TAOK1: variants seen among roughly 807,000 people sequenced by gnomAD.
TAOK1 encodes TAO kinase 1.
TAOK1 carries 21 observed loss-of-function variants against 138.3 expected under a neutral mutation model. The observed-to-expected ratio is 0.15, with a 90% CI of 0.11 to 0.22. The LOEUF (loss-of-function observed/expected upper bound fraction) is 0.22. TAOK1 is among the 10% of genes least tolerant of loss of function. The probability of loss-of-function intolerance (pLI) is 1.00; values close to 1 mark genes in which losing one functional copy is unlikely to be tolerated. For missense variants in TAOK1, 651 were observed against 1,227.7 expected, an observed-to-expected ratio of 0.53 and a Z score of 7.02; for synonymous variants, 361 against 398.4, an observed-to-expected ratio of 0.91 and a Z score of 1.12.
intron 1 of TAOK1, among the ~76,000 whole-genome samples, chr17:29,448,911 C>A (rs758843463): frequency 3.3e-5 from 5 of 151,980 alleles, no homozygotes; most frequent in Non-Finnish European, 7.4e-5. Context: ...CAATATAATA[C>A]GGTAAATGCG....
At chr17:29,441,004 G>T (rs546686441) in intron 1 of TAOK1, among the ~76,000 whole-genome samples, 1 of 152,224 alleles carries the variant, frequency 6.6e-6, no homozygotes, top group African/African-American at 2.4e-5. Flanking sequence ...CTTTTCATAT[G>T]TTGAATCACC....
chr17:29,411,362 A>T (rs1229287524), intron 1 of TAOK1, among the ~76,000 whole-genome samples: 1 of 151,842 alleles, frequency 6.6e-6, no homozygotes, highest in Non-Finnish European at 1.5e-5. Context: ...AAGTGCTGGG[A>T]TTACAGGCGT....
At position 29,451,692 on chromosome 17, in the gene TAOK1, T is replaced by C; in HGVS notation, c.132+12T>C. Reference sequence around the variant, plus strand: ...GAGCAGTGTATTTTGTAAGTGTTAGTGGCTTGATGTCAGTGACTAAAATTT... The same window carrying C: ...GAGCAGTGTATTTTGTAAGTGTTAGCGGCTTGATGTCAGTGACTAAAATTT... On this transcript the variant is annotated intron_variant, in intron 2 of 19. Transcript: ENST00000261716. 1 of 1,606,362 alleles carries C rather than the reference T, an allele frequency of 6.2e-7. No homozygotes were observed. Among genetic ancestry groups the C allele is most frequent in the Non-Finnish European group, 8.5e-7 (1 of 1,177,292 alleles).
chr17:29,542,422 A>C (rs962865324), intron 19 of TAOK1, 139 bp from the exon 20 acceptor site: 2 of 696,924 alleles, frequency 2.9e-6, no homozygotes, highest in South Asian at 4.3e-5. Context: ...AAAGGGAAAA[A>C]GTTTAAATAA....
intron 18 of TAOK1, 109 bp from the exon 19 acceptor site, chr17:29,534,009 A>T: frequency 8.2e-7 from 1 of 1,225,116 alleles, no homozygotes. Flanking sequence ...TGTCTAAACT[A>T]AAAAAGAGTA....
Position 29,530,515 on chromosome 17 carries a change from CA to C in TAOK1, c.2258del (p.His753ProfsTer5). ...GCTGGAGACTACACCAAAGAGTGAG[CA>C]CAAAGCTGTTCTGAAACGGCTCAAG... ...HLLETTPKSE[H>X]KAVLKRLKEE... On this transcript the variant is annotated frameshift_variant, in exon 18 of 20. Coordinates refer to ENST00000261716, the MANE Select transcript of TAOK1 (RefSeq NM_020791.4). LOFTEE classifies it high-confidence loss of function. 1 of 1,614,104 alleles carries C rather than the reference CA, an allele frequency of 6.2e-7. No homozygotes were observed. Among genetic ancestry groups the C allele is most frequent in the East Asian group, 2.2e-5 (1 of 44,888 alleles).
chr17:29,492,504 ATAGCT>A (rs2031314353), intron 10 of TAOK1, among the ~76,000 whole-genome samples: 1 of 152,222 alleles, frequency 6.6e-6, no homozygotes, highest in African/African-American at 2.4e-5. Flanking sequence ...TTGATAAAAC[ATAGCT>A]TAGCCAGGCG....
At chr17:29,493,451 A>G (rs928333304) in intron 10 of TAOK1, among the ~76,000 whole-genome samples, 16 of 151,332 alleles carry the variant, frequency 1.1e-4, no homozygotes, top group Non-Finnish European at 1.9e-4. Flanking sequence ...CTGAGATCGC[A>G]CCATTGCACT....
intron 1 of TAOK1, among the ~76,000 whole-genome samples, chr17:29,397,644 A>ACATTCATG (rs1567706702): frequency 3.2e-4 from 45 of 142,244 alleles, no homozygotes; most frequent in South Asian, 9.2e-4. Flanking sequence ...GTATACATGT[A>ACATTCATG]TATATGTATA....
intron 1 of TAOK1, among the ~76,000 whole-genome samples, chr17:29,428,314 C>T (rs983355686): frequency 6.6e-6 from 1 of 152,062 alleles, no homozygotes; most frequent in African/African-American, 2.4e-5. Flanking sequence ...GATTGGAATG[C>T]TTGAGAGGTG....
At chr17:29,534,363 AATATATTT>A (rs2032186620) in intron 19 of TAOK1, 63 bp downstream of exon 19, 1 of 1,372,100 alleles carries the variant, frequency 7.3e-7, no homozygotes, top group African/African-American at 1.5e-5. Context: ...GCGTTTTATA[AATATATTT>A]TCATGTTGGC....
At position 29,397,843 on chromosome 17, in the gene TAOK1, A is replaced by G. The variant is rs187580506; in HGVS notation, c.-95+6819A>G. On this transcript the variant is annotated intron_variant, in intron 1 of 19. Coordinates refer to ENST00000261716, the MANE Select transcript of TAOK1 (RefSeq NM_020791.4). The stretch of plus-strand genomic sequence containing the variant: ...TATACATGTATATATATGTGTATAT[A>G]TATATATGTATGTCACCATTTACTA... 7.9e-3 allele frequency among the ~76,000 whole-genome samples: 1,203 copies of G among 151,520 alleles called. 22 individuals carry two copies. The highest frequency in any genetic ancestry group is 0.027 in the African/African-American group (1,131 of 41,290).
chr17:29,396,728 T>C (rs1211279942), intron 1 of TAOK1, among the ~76,000 whole-genome samples: 3 of 152,214 alleles, frequency 2.0e-5, no homozygotes, highest in Non-Finnish European at 4.4e-5. Flanking sequence ...CTGGGCGTGG[T>C]GGCTCACGCC....
chr17:29,441,091 G>A (rs981607654), intron 1 of TAOK1, among the ~76,000 whole-genome samples: 3 of 152,014 alleles, frequency 2.0e-5, no homozygotes, highest in Admixed American at 1.3e-4. Flanking sequence ...AGGTATTTTC[G>A]TTGAGGATTT....
Position 29,548,365 on chromosome 17 carries a change from C to T in TAOK1, c.*5343C>T, listed in dbSNP as rs929034181. 6.6e-6 allele frequency: 1 copy of T among 152,040 alleles called. No homozygotes were observed. Among genetic ancestry groups the T allele is most frequent in the African/African-American group, 2.4e-5 (1 of 41,424 alleles). 9.4% of individuals were successfully genotyped at this position (152,040 alleles called of 1,614,324 possible). A position where few individuals can be genotyped will look rare whatever the true frequency, so the allele number is the denominator to read the frequency against. On this transcript the variant is annotated 3_prime_UTR_variant, in exon 20 of 20. Coordinates refer to ENST00000261716, the MANE Select transcript of TAOK1 (RefSeq NM_020791.4). ...TTTACTATGTCACCATCACTGTTAA[C>T]TGTTTCCCAGCAATCTAAACTTTTT...
chr17:29,446,535 C>T (rs978611535), intron 1 of TAOK1, among the ~76,000 whole-genome samples: 1 of 152,036 alleles, frequency 6.6e-6, no homozygotes, highest in African/African-American at 2.4e-5. Flanking sequence ...GCCACCGCAC[C>T]CAGGCTGTAT....
In TAOK1 at chr17:29,400,303, A is replaced by C. The variant is rs377308534; in HGVS notation, c.-95+9279A>C. Among the ~76,000 whole-genome samples, 76 of 151,180 alleles carry C rather than the reference A, an allele frequency of 5.0e-4. 1 individual carries two copies. The East Asian group carries it at 0.01, about 20-fold the overall frequency. ...CAGCTACTTGGGAGGCTGAGGCAGGAGAATCACTTGAACCAGGCAGAGGTT... is the reference window on the plus strand; with the variant it reads ...CAGCTACTTGGGAGGCTGAGGCAGGCGAATCACTTGAACCAGGCAGAGGTT... On this transcript the variant is annotated intron_variant, in intron 1 of 19. Coordinates refer to ENST00000261716, the MANE Select transcript of TAOK1 (RefSeq NM_020791.4).
chr17:29,497,742 A>G (rs2153028183), intron 11 of TAOK1, among the ~76,000 whole-genome samples: 1 of 151,834 alleles, frequency 6.6e-6, no homozygotes, highest in African/African-American at 2.4e-5. Context: ...AAAGACAAGA[A>G]AGGTAATCTA....
chr17:29,539,175 A>T (rs2032272619), intron 19 of TAOK1, among the ~76,000 whole-genome samples: 2 of 152,128 alleles, frequency 1.3e-5, no homozygotes, highest in South Asian at 4.1e-4. Flanking sequence ...GGTGTGGAGG[A>T]TTGCTTGAAC....
Sources: gnomAD v4.1 joint callset for allele counts (sites outside exome capture counted in the v4.1 genomes callset) on GRCh38, gnomAD v4.1.1 for gene constraint, MANE v1.5 for transcripts, NCBI Gene and HGNC (gene_info 2026-07-23, HGNC 2026-07-21) for gene names.